Variants in TMSB15A observed in about 807,000 individuals in gnomAD.
TMSB15A encodes thymosin beta 15A.
A neutral mutation model predicts 3.2 loss-of-function variants in TMSB15A; 1 was observed. The ratio of observed to expected loss-of-function variants is 0.32; its 90% confidence interval spans 0.11 to 1.50. TMSB15A has a LOEUF of 1.50. Among genes scored for constraint, TMSB15A ranks in the 40% most tolerant of loss-of-function variants. The pLI, the probability that TMSB15A is intolerant of heterozygous loss-of-function variation, is 0.39. For missense variants in TMSB15A, 22 were observed against 27.8 expected, an observed-to-expected ratio of 0.79 and a Z score of 0.47; for synonymous variants, 10 against 11.2, an observed-to-expected ratio of 0.90 and a Z score of 0.21.
chrX:102,516,708 G>C lies in TMSB15A; in HGVS notation c.-60C>G, dbSNP rs782561543. ...CGTGAAAGGCTGTTCGCGGGGCTGA[G>C]ACCCAGACTCGCTCCGGACCAGGTT... On this transcript the variant is annotated 5_prime_UTR_variant, in exon 1 of 3. Coordinates refer to ENST00000289373, the MANE Select transcript of TMSB15A (RefSeq NM_021992.3). 8.9e-6 allele frequency: 1 copy of C among 112,026 alleles called. No homozygotes were observed. Among genetic ancestry groups the C allele is most frequent in the Admixed American group, 9.3e-5 (1 of 10,719 alleles). 9.2% of individuals were successfully genotyped at this position (112,026 alleles called of 1,213,427 possible).
chrX:102,514,139 A>G lies in TMSB15A; in HGVS notation c.101-15T>C, dbSNP rs1556403256. On this transcript the variant is annotated splice_polypyrimidine_tract_variant and intron_variant, in intron 2 of 2. Coordinates refer to ENST00000289373, the MANE Select transcript of TMSB15A (RefSeq NM_021992.3). ...TTGCTGGATAGCTGGGAAGACAAACACAAAAATCATTAACCGTATGTACCT... is the reference window on the plus strand; with the variant it reads ...TTGCTGGATAGCTGGGAAGACAAACGCAAAAATCATTAACCGTATGTACCT... The G allele has an allele frequency of 1.7e-6, 2 of 1,211,305 alleles. No homozygotes were observed. Among genetic ancestry groups the G allele is most frequent in the East Asian group, 5.9e-5 (2 of 33,846 alleles).
At chrX:102,514,654 C>A (rs1934874701) in intron 2 of TMSB15A, among the ~76,000 whole-genome samples, 1 of 111,597 alleles carries the variant, frequency 9.0e-6, no homozygotes, top group Non-Finnish European at 1.9e-5. Flanking sequence ...TTTATCTCAT[C>A]ATCAGGTAGA....
At chrX:102,515,647 CAA>C (rs1224225791) in intron 1 of TMSB15A, among the ~76,000 whole-genome samples, 1 of 88,816 alleles carries the variant, frequency 1.1e-5, no homozygotes, top group African/African-American at 4.1e-5. Context: ...GGGAGCAGCA[CAA>C]AAAAAAAAAG....
chrX:102,516,650 G>A lies in TMSB15A; in HGVS notation c.-18+16C>T, dbSNP rs1410678729. 8.8e-6 allele frequency: 1 copy of A among 113,016 alleles called. No homozygotes were observed. The highest frequency in any genetic ancestry group is 1.9e-5 in the Non-Finnish European group (1 of 53,338). The allele number at this position is 113,016 out of a possible 1,213,427, so 9.3% of individuals were successfully genotyped here. ...CCCCATGGTCCTCTGGCTCCTGCGA[G>A]GCCGCAGGTCCTCACCTGAAAGCTT... On this transcript the variant is annotated intron_variant, in intron 1 of 2. Coordinates refer to ENST00000289373, the MANE Select transcript of TMSB15A (RefSeq NM_021992.3).
chrX:102,515,596 T>C (rs1353471893), intron 1 of TMSB15A, among the ~76,000 whole-genome samples: 1 of 111,275 alleles, frequency 9.0e-6, no homozygotes. Context: ...TCACTTTCTA[T>C]TAAATTACTT....
chrX:102,513,953 A>G lies in TMSB15A; in HGVS notation c.*134T>C. On this transcript the variant is annotated 3_prime_UTR_variant, in exon 3 of 3. Transcript: ENST00000289373. ...AAACATTGGCTACCTCTGACTTCTT[A>G]GCCAGGGAACATAGGTGAGAAGATA... The G allele has an allele frequency of 1.4e-6, 1 of 706,806 alleles. No homozygotes were observed. The highest frequency in any genetic ancestry group is 3.2e-5 in the East Asian group (1 of 30,990). 58.2% of individuals were successfully genotyped at this position (706,806 alleles called of 1,213,427 possible). A position where few individuals can be genotyped will look rare whatever the true frequency, so the allele number is the denominator to read the frequency against.
At chrX:102,514,254 A>G (rs782214240) in intron 2 of TMSB15A, 130 bp from the exon 3 acceptor site, 2 of 712,954 alleles carry the variant, frequency 2.8e-6, no homozygotes, top group East Asian at 6.4e-5. Context: ...CAAGGCATTA[A>G]CCACAAATCC....
chrX:102,516,451 A>T (rs189902518), intron 1 of TMSB15A, among the ~76,000 whole-genome samples: 4 of 111,742 alleles, frequency 3.6e-5, no homozygotes, highest in Admixed American at 1.9e-4. Context: ...GTTTCCAGGG[A>T]CCGGCCCCCA....
At chrX:102,515,637 G>A (rs1934887178) in intron 1 of TMSB15A, among the ~76,000 whole-genome samples, 1 of 108,673 alleles carries the variant, frequency 9.2e-6, no homozygotes, top group Non-Finnish European at 1.9e-5. Flanking sequence ...TTAGGAGACG[G>A]GGAGCAGCAC....
intron 1 of TMSB15A, 38 bp from the exon 2 acceptor site, chrX:102,515,218 C>A: frequency 8.5e-7 from 1 of 1,172,611 alleles, no homozygotes; most frequent in East Asian, 3.0e-5. Flanking sequence ...ACTTACCTGG[C>A]AGAACTGTCT....
intron 1 of TMSB15A, among the ~76,000 whole-genome samples, chrX:102,515,578 G>A (rs979525569): frequency 4.5e-5 from 5 of 110,467 alleles, no homozygotes; most frequent in South Asian, 3.9e-4. Flanking sequence ...AGCACTATTC[G>A]AGCATCTTCA....
chrX:102,516,007 A>T (rs1190021289), intron 1 of TMSB15A, among the ~76,000 whole-genome samples: 1 of 110,637 alleles, frequency 9.0e-6, no homozygotes, highest in African/African-American at 3.3e-5. Flanking sequence ...CAGAGTTCTC[A>T]TTCGCAAGCC....
At chrX:102,514,221 T>A in intron 2 of TMSB15A, 97 bp from the exon 3 acceptor site, 1 of 989,470 alleles carries the variant, frequency 1.0e-6, no homozygotes, top group Non-Finnish European at 1.4e-6. Context: ...GAAGTCTGCA[T>A]ACATGCCTTA....
chrX:102,514,897 C>A (rs1412620029), intron 2 of TMSB15A, among the ~76,000 whole-genome samples, 167 bp downstream of exon 2: 2 of 111,608 alleles, frequency 1.8e-5, no homozygotes, highest in Non-Finnish European at 3.8e-5. Flanking sequence ...ACTTATATAA[C>A]CCAAGTAGGA....
intron 1 of TMSB15A, among the ~76,000 whole-genome samples, chrX:102,516,236 A>T (rs1934893663): frequency 8.9e-6 from 1 of 112,601 alleles, no homozygotes; most frequent in South Asian, 3.7e-4. Flanking sequence ...TGTCAAGAGC[A>T]GTTTGCATAC....
rs782182950 is a variant in TMSB15A, at chrX:102,513,820, A to G, written c.*267T>C. ...GCAGGTTAAAACAGGCTTATCCAGT[A>G]TAGGATGCAAGAACTACATACACAA... is the stretch of plus-strand genomic sequence containing the variant. On this transcript the variant is annotated 3_prime_UTR_variant, in exon 3 of 3. Coordinates refer to ENST00000289373, the MANE Select transcript of TMSB15A (RefSeq NM_021992.3). 9.0e-5 allele frequency: 34 copies of G among 378,213 alleles called. No individual in the cohort carries two copies. The highest frequency in any genetic ancestry group is 7.8e-4 in the African/African-American group (31 of 39,563). 31.2% of individuals were successfully genotyped at this position (378,213 alleles called of 1,213,427 possible).
chrX:102,514,154 C>G (rs200292946), intron 2 of TMSB15A, 30 bp from the exon 3 acceptor site: 142 of 1,204,935 alleles, frequency 1.2e-4, no homozygotes, highest in Non-Finnish European at 1.5e-4. Context: ...AATCATTAAC[C>G]GTATGTACCT....
At chrX:102,514,214 G>A in intron 2 of TMSB15A, 90 bp from the exon 3 acceptor site, 3 of 1,040,468 alleles carry the variant, frequency 2.9e-6, no homozygotes, top group South Asian at 1.9e-5. Flanking sequence ...AGTCATCGAA[G>A]TCTGCATACA....
chrX:102,516,021 C>T (rs1934891827), intron 1 of TMSB15A, among the ~76,000 whole-genome samples: 1 of 110,372 alleles, frequency 9.1e-6, no homozygotes. Context: ...GCAAGCCCAG[C>T]CCCACCCTCG....
Sources: gnomAD v4.1 joint callset for allele counts (sites outside exome capture counted in the v4.1 genomes callset) on GRCh38, gnomAD v4.1.1 for gene constraint, MANE v1.5 for transcripts, NCBI Gene and HGNC (gene_info 2026-07-23, HGNC 2026-07-21) for gene names.